MAGI2: variants seen among roughly 807,000 people sequenced by gnomAD.
MAGI2 encodes membrane-associated guanylate kinase, WW and PDZ domain-containing protein 2.
A neutral mutation model predicts 133.3 loss-of-function variants in MAGI2; 35 were observed. The observed-to-expected ratio is 0.26, with a 90% CI of 0.20 to 0.35. MAGI2 has a LOEUF of 0.35. MAGI2 is among the 10% of genes least tolerant of loss of function. The pLI is 1.00. For missense variants in MAGI2, 1,636 were observed against 1,863.4 expected, an observed-to-expected ratio of 0.88 and a Z score of 2.25; for synonymous variants, 729 against 710.6, an observed-to-expected ratio of 1.03 and a Z score of -0.41.
chr7:79,041,284 G>A (rs569832403), intron 1 of MAGI2, among the ~76,000 whole-genome samples: 129 of 152,160 alleles, frequency 8.5e-4, no homozygotes, highest in Non-Finnish European at 1.6e-3. Flanking sequence ...AAATAATGCT[G>A]AATTTTGGAA....
intron 10 of MAGI2, among the ~76,000 whole-genome samples, chr7:78,208,863 C>A (rs1017829599): frequency 6.6e-6 from 1 of 151,940 alleles, no homozygotes; most frequent in Admixed American, 6.6e-5. Flanking sequence ...TCTTTCCTCC[C>A]AAATCCACTC....
chr7:79,145,953 A>C (rs1822577261), intron 1 of MAGI2, among the ~76,000 whole-genome samples: 1 of 152,212 alleles, frequency 6.6e-6, no homozygotes, highest in Non-Finnish European at 1.5e-5. Flanking sequence ...GGGGCATGGA[A>C]GAAGGATGCA....
chr7:78,794,415 GT>G (rs1206996855), intron 2 of MAGI2, among the ~76,000 whole-genome samples: 3 of 152,136 alleles, frequency 2.0e-5, no homozygotes, highest in Admixed American at 2.0e-4. Context: ...GACTTGTGTG[GT>G]TATAAAATTG....
At chr7:78,314,788 T>A (rs1787231325) in intron 9 of MAGI2, among the ~76,000 whole-genome samples, 1 of 152,230 alleles carries the variant, frequency 6.6e-6, no homozygotes, top group Non-Finnish European at 1.5e-5. Context: ...GTGTTGTTTC[T>A]TGTATATATT....
intron 21 of MAGI2, among the ~76,000 whole-genome samples, chr7:78,042,295 G>C (rs1424394152): frequency 6.6e-6 from 1 of 152,172 alleles, no homozygotes; most frequent in Non-Finnish European, 1.5e-5. Flanking sequence ...AAAGAGGAAC[G>C]ATATGATAAT....
intron 10 of MAGI2, among the ~76,000 whole-genome samples, chr7:78,223,954 G>A (rs1401113869): frequency 2.6e-5 from 4 of 152,206 alleles, no homozygotes; most frequent in Non-Finnish European, 4.4e-5. Context: ...TAAGCTTACC[G>A]ACTTGGTACA....
chr7:79,324,426 C>T (rs1431311417), intron 1 of MAGI2, among the ~76,000 whole-genome samples: 1 of 90,462 alleles, frequency 1.1e-5, no homozygotes, highest in Non-Finnish European at 2.4e-5. Flanking sequence ...TATCTATAAC[C>T]ATATATATAT....
rs1354879901 is a variant in MAGI2, at chr7:78,903,216, CAG to C, written c.418+103872_418+103873del. Among the ~76,000 whole-genome samples, 9 of 80,568 alleles carry C rather than the reference CAG, an allele frequency of 1.1e-4. No homozygotes were observed. The Admixed American group carries it at 1.7e-3, about 15-fold the overall frequency. The allele number at this position is 80,568 out of a possible 152,430, so 52.9% of individuals were successfully genotyped here. On this transcript the variant is annotated intron_variant, in intron 2 of 21. Transcript: ENST00000354212. ...TTTTTTTTTTTTTTTTTTTTTGAGA[CAG>C]AGTCTCGCTCTTTCGCCCAGGCTGG...
At chr7:78,207,874 T>A (rs1249561929) in intron 10 of MAGI2, among the ~76,000 whole-genome samples, 5 of 152,202 alleles carry the variant, frequency 3.3e-5, no homozygotes, top group African/African-American at 1.2e-4. Flanking sequence ...TTTTTGTTGT[T>A]GTTGTTGTTT....
chr7:78,538,991 A>G (rs565213523), intron 3 of MAGI2, among the ~76,000 whole-genome samples: 1 of 152,270 alleles, frequency 6.6e-6, no homozygotes, highest in Non-Finnish European at 1.5e-5. Flanking sequence ...ACAGTGGAAC[A>G]TGACAAGAAT....
intron 9 of MAGI2, among the ~76,000 whole-genome samples, chr7:78,300,921 CAA>C (rs966041282): frequency 1.2e-4 from 19 of 152,164 alleles, no homozygotes; most frequent in African/African-American, 4.3e-4. Context: ...TACAAATTAT[CAA>C]AGAGGATGGT....
In MAGI2 at chr7:79,353,675, G is replaced by A. The variant is rs1198638103; in HGVS notation, c.301+99345C>T. 8.9e-6 allele frequency: 3 copies of A among 338,634 alleles called. No homozygotes were observed. In the Admixed American group the frequency reaches 1.1e-4, roughly 12 times the overall value. 21.0% of individuals were successfully genotyped at this position (338,634 alleles called of 1,614,324 possible). Reference sequence around the variant, plus strand: ...AGCACGGGCATCACACTGGGCATTGGACTCTTCTGCAGCCTGGTCACCATG... The same window carrying A: ...AGCACGGGCATCACACTGGGCATTGAACTCTTCTGCAGCCTGGTCACCATG... On this transcript the variant is annotated intron_variant, in intron 1 of 21. Transcript: ENST00000354212.
chr7:78,511,968 A>T (rs2150559634), intron 4 of MAGI2, among the ~76,000 whole-genome samples: 1 of 151,710 alleles, frequency 6.6e-6, no homozygotes, highest in Admixed American at 6.6e-5. Flanking sequence ...CAAAAACAGA[A>T]AAACATTAGC....
At chr7:78,676,964 C>A (rs1815110071) in intron 2 of MAGI2, among the ~76,000 whole-genome samples, 1 of 152,072 alleles carries the variant, frequency 6.6e-6, no homozygotes, top group African/African-American at 2.4e-5. Flanking sequence ...GATGAAAAGG[C>A]CTGTTAGGCT....
intron 16 of MAGI2, among the ~76,000 whole-genome samples, chr7:78,149,332 G>T (rs1313321495): frequency 6.6e-6 from 1 of 152,080 alleles, no homozygotes; most frequent in Non-Finnish European, 1.5e-5. Flanking sequence ...AGCATGTTTG[G>T]GTAACAGTTT....
chr7:79,244,762 A>T (rs750898922), intron 1 of MAGI2, among the ~76,000 whole-genome samples: 11 of 152,126 alleles, frequency 7.2e-5, no homozygotes, highest in Non-Finnish European at 1.0e-4. Context: ...TGACCTAGGA[A>T]AACACCAGCT....
chr7:78,462,959 C>T (rs945495505), intron 6 of MAGI2, among the ~76,000 whole-genome samples: 2 of 152,158 alleles, frequency 1.3e-5, no homozygotes, highest in African/African-American at 4.8e-5. Flanking sequence ...TACAAGGTTT[C>T]TAAAATTGAG....
chr7:79,007,460 A>G (rs927225624), intron 1 of MAGI2, among the ~76,000 whole-genome samples: 6 of 152,188 alleles, frequency 3.9e-5, no homozygotes, highest in African/African-American at 1.4e-4. Context: ...AATGAAGCCT[A>G]TATCATGGTA....
chr7:79,146,667 C>G (rs1325356477), intron 1 of MAGI2, among the ~76,000 whole-genome samples: 2 of 152,198 alleles, frequency 1.3e-5, no homozygotes, highest in Non-Finnish European at 2.9e-5. Context: ...CTCTTGCTTG[C>G]CATCATGTAA....
Sources: gnomAD v4.1 joint callset for allele counts (sites outside exome capture counted in the v4.1 genomes callset) on GRCh38, gnomAD v4.1.1 for gene constraint, MANE v1.5 for transcripts, NCBI Gene and HGNC (gene_info 2026-07-23, HGNC 2026-07-21) for gene names.